KCNQ5: variants seen among roughly 807,000 people sequenced by gnomAD.
KCNQ5 encodes potassium voltage-gated channel subfamily Q member 5.
Under a neutral mutation model 98.2 loss-of-function variants are expected in KCNQ5, and 30 were observed. The observed-to-expected ratio is 0.31, with a 90% CI of 0.23 to 0.41. KCNQ5 has a LOEUF of 0.41. Among genes scored for constraint, KCNQ5 ranks in the 10% least tolerant of loss-of-function variants. The pLI is 1.00. For synonymous variants in KCNQ5, 458 were observed against 449.4 expected, an observed-to-expected ratio of 1.02 and a Z score of -0.24; for missense variants, 835 against 1,182.5, an observed-to-expected ratio of 0.71 and a Z score of 4.31.
chr6:72,744,198 G>T (rs999232592), intron 1 of KCNQ5, among the ~76,000 whole-genome samples: 5 of 152,172 alleles, frequency 3.3e-5, no homozygotes, highest in Non-Finnish European at 7.4e-5. Flanking sequence ...TCTATCGTGA[G>T]CCTAGAGGGA....
chr6:73,015,976 C>A (rs989191687), intron 2 of KCNQ5, among the ~76,000 whole-genome samples: 20 of 152,000 alleles, frequency 1.3e-4, no homozygotes, highest in Admixed American at 9.8e-4. Flanking sequence ...GTATGCAGTA[C>A]CCAATAAGGA....
intron 1 of KCNQ5, among the ~76,000 whole-genome samples, chr6:72,930,718 C>G (rs758895324): frequency 1.3e-5 from 2 of 151,966 alleles, no homozygotes; most frequent in South Asian, 4.1e-4. Context: ...TAATTGCTTT[C>G]ATAAGTTAAT....
chr6:72,995,694 T>G (rs547320942), intron 1 of KCNQ5, among the ~76,000 whole-genome samples: 1 of 152,304 alleles, frequency 6.6e-6, no homozygotes, highest in East Asian at 1.9e-4. Context: ...ATTAGGAGGT[T>G]CTTGTTTAGG....
chr6:72,704,866 T>C (rs1159345560), intron 1 of KCNQ5, among the ~76,000 whole-genome samples: 1 of 152,184 alleles, frequency 6.6e-6, no homozygotes, highest in African/African-American at 2.4e-5. Flanking sequence ...ATAAGTTGTT[T>C]ACAGAGAAAA....
chr6:72,890,391 C>T (rs1278096450), intron 1 of KCNQ5, among the ~76,000 whole-genome samples: 2 of 152,172 alleles, frequency 1.3e-5, no homozygotes, highest in African/African-American at 4.8e-5. Flanking sequence ...ATCTCTAGAA[C>T]TTACTCATCT....
At chr6:72,756,300 T>C (rs1582230783) in intron 1 of KCNQ5, among the ~76,000 whole-genome samples, 1 of 152,192 alleles carries the variant, frequency 6.6e-6, no homozygotes, top group East Asian at 1.9e-4. Context: ...TTGTACATCT[T>C]CTGGCTTTTG....
chr6:73,187,280 C>T (rs1312392451), intron 11 of KCNQ5, among the ~76,000 whole-genome samples: 3 of 152,106 alleles, frequency 2.0e-5, no homozygotes, highest in African/African-American at 4.8e-5. Context: ...AGGATGGTCT[C>T]GATTTCCTGA....
At chr6:72,859,666 G>A (rs909314968) in intron 1 of KCNQ5, among the ~76,000 whole-genome samples, 6 of 151,860 alleles carry the variant, frequency 4.0e-5, no homozygotes, top group African/African-American at 1.4e-4. Context: ...TGGCAGCCTC[G>A]ACCTCCCCAG....
Position 72,664,822 on chromosome 6 carries a change from T to C in KCNQ5, c.398+42235T>C, listed in dbSNP as rs548395254. Among the ~76,000 whole-genome samples the C allele has an allele frequency of 1.6e-4, 24 of 152,262 alleles. No individual in the cohort carries two copies. The South Asian group carries it at 5.0e-3, about 32-fold the overall frequency. ...ACTCAAAGGAATTTCATTGGGATAATGTGAGTTAAATAAATACAAAAGAAA... is the reference window on the plus strand; with the variant it reads ...ACTCAAAGGAATTTCATTGGGATAACGTGAGTTAAATAAATACAAAAGAAA... On this transcript the variant is annotated intron_variant, in intron 1 of 13. Coordinates refer to ENST00000370398, the MANE Select transcript of KCNQ5 (RefSeq NM_019842.4).
At chr6:72,884,336 C>A (rs548272849) in intron 1 of KCNQ5, among the ~76,000 whole-genome samples, 1 of 151,826 alleles carries the variant, frequency 6.6e-6, no homozygotes, top group Admixed American at 6.6e-5. Flanking sequence ...AGAGCCAAAA[C>A]CTTTTAAAGG....
chr6:72,718,445 CTTTTTTTTTTTTTT>C (rs1032425332), intron 1 of KCNQ5, among the ~76,000 whole-genome samples: 9 of 71,452 alleles, frequency 1.3e-4, no homozygotes, highest in African/African-American at 1.8e-4. Flanking sequence ...CCTTTCTGCT[CTTTTTTTTTTTTTT>C]TTTTTTTTTT....
chr6:72,825,186 C>G (rs1775938488), intron 1 of KCNQ5, among the ~76,000 whole-genome samples: 2 of 151,956 alleles, frequency 1.3e-5, no homozygotes, highest in African/African-American at 4.8e-5. Flanking sequence ...GGAGACTGGG[C>G]TGTCTTTTCC....
chr6:72,939,317 G>C (rs1244985507), intron 1 of KCNQ5, among the ~76,000 whole-genome samples: 1 of 152,138 alleles, frequency 6.6e-6, no homozygotes, highest in Non-Finnish European at 1.5e-5. Context: ...CCACAGCTGG[G>C]GGCTCTCCTT....
At chr6:73,139,783 A>T (rs751242113) in intron 10 of KCNQ5, among the ~76,000 whole-genome samples, 7 of 152,100 alleles carry the variant, frequency 4.6e-5, no homozygotes, top group Non-Finnish European at 7.4e-5. Context: ...CACCACCACC[A>T]CTAAGGGAAA....
chr6:72,862,532 C>T (rs1172487400), intron 1 of KCNQ5, among the ~76,000 whole-genome samples: 1 of 152,146 alleles, frequency 6.6e-6, no homozygotes, highest in Non-Finnish European at 1.5e-5. Flanking sequence ...ATGTCATAAG[C>T]TCATTCTAGT....
At chr6:73,160,826 T>C (rs1292953037) in intron 10 of KCNQ5, among the ~76,000 whole-genome samples, 1 of 152,192 alleles carries the variant, frequency 6.6e-6, no homozygotes, top group Non-Finnish European at 1.5e-5. Context: ...GCCTGGGTCC[T>C]AGCCTTTGGT....
intron 3 of KCNQ5, among the ~76,000 whole-genome samples, chr6:73,075,499 G>T (rs180871746): frequency 6.6e-6 from 1 of 152,136 alleles, no homozygotes; most frequent in South Asian, 2.1e-4. Flanking sequence ...GGGATTACAA[G>T]TGTGAGCCAC....
At chr6:73,096,795 C>T (rs1774520599) in intron 5 of KCNQ5, among the ~76,000 whole-genome samples, 1 of 152,132 alleles carries the variant, frequency 6.6e-6, no homozygotes, top group African/African-American at 2.4e-5. Flanking sequence ...ATAATCCCAG[C>T]ATTTTGGGAG....
At chr6:72,696,032 C>G (rs1473853627) in intron 1 of KCNQ5, among the ~76,000 whole-genome samples, 2 of 151,950 alleles carry the variant, frequency 1.3e-5, no homozygotes, top group Non-Finnish European at 2.9e-5. Flanking sequence ...TATTAAATTG[C>G]TGGTAAGAAG....
Sources: gnomAD v4.1 joint callset for allele counts (sites outside exome capture counted in the v4.1 genomes callset) on GRCh38, gnomAD v4.1.1 for gene constraint, MANE v1.5 for transcripts, NCBI Gene and HGNC (gene_info 2026-07-23, HGNC 2026-07-21) for gene names.